The following ANKS1B variants were observed in gnomAD, a reference collection of about 807,000 sequenced individuals.
The protein encoded by ANKS1B is ankyrin repeat and sterile alpha motif domain containing 1B, also known as ankyrin repeat and sterile alpha motif domain-containing protein 1B.
In ANKS1B, 36 loss-of-function variants were observed where a neutral mutation model predicts 148.3. The ratio of observed to expected loss-of-function variants is 0.24; its 90% CI spans 0.19 to 0.32. The LOEUF is 0.32. Among genes scored for constraint, ANKS1B ranks in the 10% least tolerant of loss-of-function variants. ANKS1B has a pLI of 1.00. For missense variants in ANKS1B, 1,157 were observed against 1,542.6 expected, an observed-to-expected ratio of 0.75 and a Z score of 4.19; for synonymous variants, 542 against 560.8, an observed-to-expected ratio of 0.97 and a Z score of 0.47.
At chr12:99,700,749 T>C (rs1600057267) in intron 8 of ANKS1B, among the ~76,000 whole-genome samples, 1 of 152,316 alleles carries the variant, frequency 6.6e-6, no homozygotes, top group East Asian at 1.9e-4. Context: ...AACTACTGTA[T>C]TCCCATTCTA....
At chr12:98,878,145 C>T (rs1423372121) in intron 17 of ANKS1B, among the ~76,000 whole-genome samples, 2 of 134,944 alleles carry the variant, frequency 1.5e-5, no homozygotes, top group East Asian at 5.1e-4. Flanking sequence ...TCTTTTTGCT[C>T]TCTACATTTT....
intron 14 of ANKS1B, among the ~76,000 whole-genome samples, chr12:99,226,768 C>A (rs1480501494): frequency 6.6e-6 from 1 of 152,124 alleles, no homozygotes; most frequent in Non-Finnish European, 1.5e-5. Context: ...ACTTTTTGTA[C>A]CGTCAATAAA....
chr12:99,292,097 G>A (rs1248523929), intron 12 of ANKS1B, among the ~76,000 whole-genome samples: 1 of 152,104 alleles, frequency 6.6e-6, no homozygotes, highest in African/African-American at 2.4e-5. Context: ...ATAGGCATGG[G>A]CAAGGACTTC....
chr12:99,019,265 G>A (rs1319805761), intron 17 of ANKS1B, among the ~76,000 whole-genome samples: 1 of 152,032 alleles, frequency 6.6e-6, no homozygotes, highest in Non-Finnish European at 1.5e-5. Context: ...TAAAATATAA[G>A]GACGCTTTCT....
intron 16 of ANKS1B, among the ~76,000 whole-genome samples, chr12:99,060,513 G>A (rs1415709664): frequency 1.3e-5 from 2 of 151,960 alleles, no homozygotes; most frequent in Non-Finnish European, 2.9e-5. Context: ...TGAAAACCAC[G>A]AATCTAGAAG....
intron 17 of ANKS1B, among the ~76,000 whole-genome samples, chr12:98,864,200 C>T (rs189739235): frequency 1.8e-4 from 27 of 151,084 alleles, no homozygotes; most frequent in Admixed American, 4.0e-4. Flanking sequence ...ACTTATGGTA[C>T]GTGTGATATT....
chr12:99,848,367 A>G (rs1003679661), intron 1 of ANKS1B, among the ~76,000 whole-genome samples: 1 of 152,188 alleles, frequency 6.6e-6, no homozygotes, highest in Non-Finnish European at 1.5e-5. Flanking sequence ...ATTCCCTACC[A>G]TTCTCTACCA....
At chr12:98,998,320 T>A (rs1020631198) in intron 17 of ANKS1B, among the ~76,000 whole-genome samples, 6 of 152,290 alleles carry the variant, frequency 3.9e-5, no homozygotes, top group Non-Finnish European at 7.3e-5. Flanking sequence ...AAAAGTTAGG[T>A]TTACTTATAT....
rs185947742 is a variant in ANKS1B at position 99,638,404 on chromosome 12, T to C, written c.1272+16663A>G. 4.5e-3 allele frequency among the ~76,000 whole-genome samples: 691 copies of C among 152,210 alleles called. 5 individuals carry two copies. The highest frequency in any genetic ancestry group is 9.4e-3 in the South Asian group (45 of 4,810). ...GAAGTCCAGGCTGAGGTGTCTCAGA[T>C]GGAGATGAGGAACTTGTTGGGAACT... On this transcript the variant is annotated intron_variant, in intron 9 of 26. Transcript: ENST00000683438.
chr12:98,884,851 CA>C (rs2099735650), intron 17 of ANKS1B, among the ~76,000 whole-genome samples: 1 of 151,242 alleles, frequency 6.6e-6, no homozygotes, highest in South Asian at 2.1e-4. Flanking sequence ...GGGAGTCTCT[CA>C]GATGTGTATC....
At chr12:99,159,462 A>C (rs1408212717) in intron 14 of ANKS1B, among the ~76,000 whole-genome samples, 1 of 152,134 alleles carries the variant, frequency 6.6e-6, no homozygotes, top group Non-Finnish European at 1.5e-5. Context: ...CCCACTTATA[A>C]GTGAGAACAT....
chr12:99,156,117 A>G (rs2076022520), intron 14 of ANKS1B, among the ~76,000 whole-genome samples: 1 of 152,022 alleles, frequency 6.6e-6, no homozygotes. Flanking sequence ...TCTCTTTTTA[A>G]GGGCATTGTC....
At chr12:99,697,089 G>A (rs2054046510) in intron 8 of ANKS1B, among the ~76,000 whole-genome samples, 1 of 152,182 alleles carries the variant, frequency 6.6e-6, no homozygotes, top group Non-Finnish European at 1.5e-5. Flanking sequence ...CCAAATGCTG[G>A]TGAGGATGTG....
rs562822841 is a variant in ANKS1B, at chr12:99,896,998, T to C, written c.135-71609A>G. On this transcript the variant is annotated intron_variant, in intron 1 of 26. Coordinates refer to ENST00000683438, the MANE Select transcript of ANKS1B (RefSeq NM_001352186.2). Reference sequence around the variant, plus strand: ...CTATCTCACAGAGATGTCTGAAATCTCTTCACTGGTCATTAACTACTCTGA... The same window carrying C: ...CTATCTCACAGAGATGTCTGAAATCCCTTCACTGGTCATTAACTACTCTGA... 1.0e-3 allele frequency among the ~76,000 whole-genome samples: 158 copies of C among 151,414 alleles called. 4 individuals are homozygous for C. Among genetic ancestry groups the C allele is most frequent in the Non-Finnish European group, 1.9e-3 (126 of 67,566 alleles).
At chr12:99,387,548 G>A (rs896412959) in intron 12 of ANKS1B, among the ~76,000 whole-genome samples, 8 of 152,154 alleles carry the variant, frequency 5.3e-5, no homozygotes, top group Middle Eastern at 3.4e-3. Flanking sequence ...CCCCGGAGGC[G>A]GAGATTGCGG....
chr12:99,696,028 A>T (rs1252684783), intron 8 of ANKS1B, among the ~76,000 whole-genome samples: 1 of 152,214 alleles, frequency 6.6e-6, no homozygotes. Flanking sequence ...CTTGTACCCC[A>T]AAACTCAGCA....
chr12:99,134,332 T>C (rs2067146695), intron 15 of ANKS1B, among the ~76,000 whole-genome samples: 2 of 152,096 alleles, frequency 1.3e-5, no homozygotes, highest in African/African-American at 4.8e-5. Context: ...TCAATAAATT[T>C]CCAGAAGTCA....
intron 14 of ANKS1B, among the ~76,000 whole-genome samples, chr12:99,197,484 T>A (rs953595059): frequency 6.6e-6 from 1 of 152,104 alleles, no homozygotes; most frequent in African/African-American, 2.4e-5. Context: ...CGTATAAACA[T>A]GTTAACTTGC....
intron 12 of ANKS1B, among the ~76,000 whole-genome samples, chr12:99,297,410 G>C (rs996193779): frequency 2.6e-5 from 4 of 152,120 alleles, no homozygotes; most frequent in Non-Finnish European, 1.5e-5. Context: ...TTTTGTAGTA[G>C]CGTAAACATA....
Sources: allele counts gnomAD v4.1 joint callset (sites outside exome capture counted in the v4.1 genomes callset), GRCh38; gene constraint gnomAD v4.1.1; transcripts MANE v1.5; gene names NCBI Gene and HGNC (gene_info 2026-07-23, HGNC 2026-07-21).